DMD: variants seen among roughly 807,000 people sequenced by gnomAD.
The protein encoded by DMD is mutant dystrophin.
Under a neutral mutation model 330.1 loss-of-function variants are expected in DMD, and 63 were observed. The ratio of observed to expected loss-of-function variants is 0.19; its 90% confidence interval spans 0.16 to 0.24. The LOEUF (loss-of-function observed/expected upper bound fraction) is 0.24, where lower values mean the gene tolerates loss of function less well. DMD is among the 10% of genes least tolerant of loss of function. DMD has a pLI of 1.00. For synonymous variants in DMD, 1,223 were observed against 959.8 expected (o/e 1.27, Z -5.07); for missense variants, 3,344 against 2,684.1 (o/e 1.25, Z -5.43).
At chrX:32,961,592 CT>C (rs1398192603) in intron 2 of DMD, among the ~76,000 whole-genome samples, 1 of 111,158 alleles carries the variant, frequency 9.0e-6, no homozygotes, top group Non-Finnish European at 1.9e-5. Context: ...TTTCAATCAC[CT>C]GTATATTTTA....
chrX:33,009,647 T>G lies in DMD; in HGVS notation c.93+10492A>C, dbSNP rs1261646069. 3.3e-5 allele frequency among the ~76,000 whole-genome samples: 2 copies of G among 60,462 alleles called. 1 individual carries two copies. The highest frequency in any genetic ancestry group is 2.0e-3 in the South Asian group (2 of 976). 52.5% of individuals were successfully genotyped at this position (60,462 alleles called of 115,157 possible). ...ATGTGTGTATGTGTATATACACATA[T>G]GTGTGTATACGTGTATATGTGTATA... On this transcript the variant is annotated intron_variant, in intron 2 of 78. Coordinates refer to ENST00000357033, the MANE Select transcript of DMD (RefSeq NM_004006.3).
intron 52 of DMD, among the ~76,000 whole-genome samples, chrX:31,711,201 T>A (rs2084611212): frequency 9.0e-6 from 1 of 111,711 alleles, no homozygotes; most frequent in Admixed American, 9.6e-5. Flanking sequence ...AATATTTAGA[T>A]CCACTTAAAA....
At chrX:31,451,828 C>T (rs1014615965) in intron 59 of DMD, among the ~76,000 whole-genome samples, 2 of 99,559 alleles carry the variant, frequency 2.0e-5, no homozygotes, top group East Asian at 3.4e-4. Flanking sequence ...GCCATTGAAA[C>T]GTACTTTAAA....
chrX:32,404,684 G>GA (rs1283410651), intron 30 of DMD, among the ~76,000 whole-genome samples: 1 of 110,987 alleles, frequency 9.0e-6, no homozygotes, highest in Non-Finnish European at 1.9e-5. Context: ...AGTAGAAAAG[G>GA]AAAAAAATCA....
chrX:32,434,227 T>C (rs1324955822), intron 29 of DMD, among the ~76,000 whole-genome samples: 1 of 111,724 alleles, frequency 9.0e-6, no homozygotes, highest in South Asian at 3.7e-4. Flanking sequence ...ACCTCTGACA[T>C]AGGCACTTAA....
At chrX:33,272,431 T>C (rs1428641350) in intron 1 of DMD, among the ~76,000 whole-genome samples, 3 of 111,776 alleles carry the variant, frequency 2.7e-5, no homozygotes, top group Non-Finnish European at 5.6e-5. Flanking sequence ...AGTTTATAAT[T>C]CAGTCACATG....
intron 45 of DMD, among the ~76,000 whole-genome samples, chrX:31,957,718 CTT>C (rs762216730): frequency 9.8e-5 from 11 of 111,762 alleles, no homozygotes; most frequent in African/African-American, 1.9e-4. Flanking sequence ...TAAATTTAGA[CTT>C]ATATTAATGG....
intron 60 of DMD, among the ~76,000 whole-genome samples, chrX:31,351,893 C>G (rs1030231515): frequency 5.6e-5 from 6 of 107,479 alleles, no homozygotes; most frequent in African/African-American, 2.0e-4. Flanking sequence ...TAATATTATT[C>G]CCCCCGACTT....
chrX:31,666,792 G>A (rs2081453346), intron 53 of DMD, among the ~76,000 whole-genome samples: 1 of 111,819 alleles, frequency 8.9e-6, no homozygotes, highest in Admixed American at 9.5e-5. Context: ...CCTATCCATT[G>A]TGTGATGGAG....
intron 2 of DMD, among the ~76,000 whole-genome samples, chrX:32,995,691 T>C (rs945420092): frequency 8.9e-6 from 1 of 112,259 alleles, no homozygotes. Flanking sequence ...GTTACAACAT[T>C]GGTTGTTTTA....
intron 1 of DMD, among the ~76,000 whole-genome samples, chrX:33,250,332 T>G (rs1005981381): frequency 2.8e-5 from 3 of 108,641 alleles, no homozygotes; most frequent in Non-Finnish European, 5.7e-5. Context: ...GCCTGCAACT[T>G]ATTTCCCTCA....
In DMD at chrX:32,816,453, C is replaced by T. The variant is rs1474638367; in HGVS notation, c.530+15G>A. On this transcript the variant is annotated intron_variant, in intron 6 of 78. Coordinates refer to ENST00000357033, the MANE Select transcript of DMD (RefSeq NM_004006.3). The stretch of plus-strand genomic sequence containing the variant: ...CACTTTTACAAGTTATTTAATGTCT[C>T]AGTAATCTTCTTACCTATGACTATG... 8.3e-7 allele frequency: 1 copy of T among 1,209,341 alleles called. No individual in the cohort carries two copies. The highest frequency in any genetic ancestry group is 1.1e-6 in the Non-Finnish European group (1 of 893,457).
rs376835850 is a variant in DMD, at chrX:32,035,274, A to G, written c.6439-66760T>C. 8.9e-5 allele frequency among the ~76,000 whole-genome samples: 10 copies of G among 112,183 alleles called. No homozygotes were observed. The East Asian group carries it at 2.5e-3, about 28-fold the overall frequency. On this transcript the variant is annotated intron_variant, in intron 44 of 78. Coordinates refer to ENST00000357033, the MANE Select transcript of DMD (RefSeq NM_004006.3). ...CATATTTGATTTAAAAAATTTAAAA[A>G]AGAAAGAATTGGGGTTGGGAAAGGG... is the stretch of plus-strand genomic sequence containing the variant.
At chrX:31,601,402 G>T (rs1425703677) in intron 55 of DMD, among the ~76,000 whole-genome samples, 1 of 112,291 alleles carries the variant, frequency 8.9e-6, no homozygotes, top group Non-Finnish European at 1.9e-5. Flanking sequence ...CATAGACAAG[G>T]TCTCAATATT....
At chrX:32,206,507 G>A (rs753890528) in intron 44 of DMD, 90 of 570,283 alleles carry the variant, frequency 1.6e-4, no homozygotes, top group South Asian at 8.5e-4. Context: ...ACTCAAAACC[G>A]TCAACACCAA....
chrX:31,291,638 C>A (rs779349980), intron 62 of DMD, among the ~76,000 whole-genome samples: 2 of 111,782 alleles, frequency 1.8e-5, no homozygotes, highest in African/African-American at 6.5e-5. Flanking sequence ...GAAATAAACA[C>A]TGTAATTATA....
chrX:31,373,019 T>C (rs1247408345), intron 60 of DMD, among the ~76,000 whole-genome samples: 3 of 111,265 alleles, frequency 2.7e-5, no homozygotes, highest in African/African-American at 6.5e-5. Context: ...AGCATTCTTA[T>C]ACACCAATAA....
intron 34 of DMD, 90 bp downstream of exon 34, chrX:32,380,420 T>G: frequency 1.2e-6 from 1 of 817,229 alleles, no homozygotes; most frequent in Non-Finnish European, 1.8e-6. Flanking sequence ...TTTATAATGC[T>G]ATTATTGCTA....
chrX:31,320,060 C>A (rs2056307052), intron 62 of DMD, among the ~76,000 whole-genome samples: 1 of 112,010 alleles, frequency 8.9e-6, no homozygotes, highest in Non-Finnish European at 1.9e-5. Context: ...AAGCTGTAAT[C>A]AAATAACCTG....
Sources: allele counts gnomAD v4.1 joint callset (sites outside exome capture counted in the v4.1 genomes callset), GRCh38; gene constraint gnomAD v4.1.1; transcripts MANE v1.5; gene names NCBI Gene and HGNC (gene_info 2026-07-23, HGNC 2026-07-21).